The following PCDHGA5 variants were observed in gnomAD, a reference collection of about 807,000 sequenced individuals.
PCDHGA5 encodes protocadherin gamma-A5.
A neutral mutation model predicts 56.7 loss-of-function variants in PCDHGA5; 36 were observed. The ratio of observed to expected loss-of-function variants is 0.64; its 90% confidence interval spans 0.49 to 0.84. PCDHGA5 has a LOEUF of 0.84. Ranked by LOEUF, PCDHGA5 falls within the 40% of genes least tolerant of loss-of-function variation. PCDHGA5 has a pLI of 0.00. For synonymous variants in PCDHGA5, 563 were observed against 520.2 expected (o/e 1.08, Z -1.12); for missense variants, 1,305 against 1,201.5 (o/e 1.09, Z -1.27).
At chr5:141,417,027 GGT>G (rs1491367168) in intron 1 of PCDHGA5, 2 of 134,514 alleles carry the variant, frequency 1.5e-5, no homozygotes, top group Non-Finnish European at 3.1e-5. Flanking sequence ...GAAAAATACA[GGT>G]TTTTTTTTTA....
intron 1 of PCDHGA5, chr5:141,421,419 A>T (rs778839137): frequency 1.2e-6 from 2 of 1,614,072 alleles, no homozygotes; most frequent in Non-Finnish European, 1.7e-6. Context: ...CGAAGCGCGG[A>T]GTCCGCATCG....
intron 1 of PCDHGA5, among the ~76,000 whole-genome samples, chr5:141,464,417 A>C (rs2099083685): frequency 6.6e-6 from 1 of 151,564 alleles, no homozygotes; most frequent in African/African-American, 2.4e-5. Flanking sequence ...ATATATATCT[A>C]TATATATAGA....
chr5:141,419,461 C>T, intron 1 of PCDHGA5: 2 of 1,612,628 alleles, frequency 1.2e-6, no homozygotes, highest in Non-Finnish European at 1.7e-6. Flanking sequence ...CGCTGCAGGC[C>T]CGCGACCAGG....
chr5:141,476,016 G>A lies in PCDHGA5; in HGVS notation c.2422-18791G>A. 7.4e-7 allele frequency: 1 copy of A among 1,359,386 alleles called. No individual in the cohort carries two copies. 84.2% of individuals were successfully genotyped at this position (1,359,386 alleles called of 1,614,324 possible). A position where few individuals can be genotyped will look rare whatever the true frequency, so the allele number is the denominator to read the frequency against. On this transcript the variant is annotated intron_variant, in intron 1 of 3. Coordinates refer to ENST00000518069, the MANE Select transcript of PCDHGA5 (RefSeq NM_018918.3). This position sits in a 1 kb window ranked among gnomAD's most constrained non-coding sequence, Gnocchi z 7.6. ...TCAACGGCATCCAGAAAGCCATGTC[G>A]GACTCGGCGCCCAGCGCCCAAGCGC...
intron 2 of PCDHGA5, among the ~76,000 whole-genome samples, chr5:141,497,893 C>T (rs1194262199): frequency 6.6e-6 from 1 of 152,132 alleles, no homozygotes; most frequent in Non-Finnish European, 1.5e-5. Flanking sequence ...GGATCTAGTC[C>T]AGTAACTTCA....
chr5:141,370,241 T>C (rs1442707721), intron 1 of PCDHGA5: 3 of 626,086 alleles, frequency 4.8e-6, no homozygotes, highest in Non-Finnish European at 7.8e-6. Flanking sequence ...GGAAGAAAAG[T>C]GCACTCTCTA....
rs368371918 is a variant in PCDHGA5 at position 141,432,800 on chromosome 5, C to G, written c.2422-62007C>G. Reference sequence around the variant, plus strand: ...GGCGGACCTCGGCAGCCTCGAGTCTCCAGCTAACTCTGAAACCTCAGACCT... The same window carrying G: ...GGCGGACCTCGGCAGCCTCGAGTCTGCAGCTAACTCTGAAACCTCAGACCT... On this transcript the variant is annotated intron_variant, in intron 1 of 3. Coordinates refer to ENST00000518069, the MANE Select transcript of PCDHGA5 (RefSeq NM_018918.3). This position sits in a 1 kb window ranked among gnomAD's most constrained non-coding sequence, Gnocchi z 6.0. The G allele has an allele frequency of 9.9e-6, 16 of 1,614,038 alleles. No individual in the cohort carries two copies. Among genetic ancestry groups the G allele is most frequent in the Non-Finnish European group, 1.3e-5 (15 of 1,180,016 alleles).
chr5:141,489,641 C>T lies in PCDHGA5; in HGVS notation c.2422-5166C>T, dbSNP rs1356716387. On this transcript the variant is annotated intron_variant, in intron 1 of 3. Coordinates refer to ENST00000518069, the MANE Select transcript of PCDHGA5 (RefSeq NM_018918.3). This position sits in a 1 kb window ranked among gnomAD's most constrained non-coding sequence, Gnocchi z 4.5. The stretch of plus-strand genomic sequence containing the variant: ...CTCAATGACAACTCTCCTAGCTTTG[C>T]CACCCCTGAGCGAGAGATGCGCATC... The T allele has an allele frequency of 2.5e-6, 4 of 1,614,008 alleles. No individual in the cohort carries two copies. The highest frequency in any genetic ancestry group is 3.4e-6 in the Non-Finnish European group (4 of 1,180,012).
At chr5:141,404,391 A>C (rs773558298) in intron 1 of PCDHGA5, 1 of 1,613,924 alleles carries the variant, frequency 6.2e-7, no homozygotes, top group South Asian at 1.1e-5. Context: ...TATGACCCTG[A>C]TAGCAATGAG....
At chr5:141,507,831 T>C (rs2099864030) in intron 3 of PCDHGA5, among the ~76,000 whole-genome samples, 1 of 152,134 alleles carries the variant, frequency 6.6e-6, no homozygotes, top group African/African-American at 2.4e-5. Context: ...GTGGAGGTGG[T>C]GGGTCAGGCC....
chr5:141,417,771 C>G, intron 1 of PCDHGA5: 1 of 1,456,488 alleles, frequency 6.9e-7, no homozygotes, highest in Non-Finnish European at 9.1e-7. Flanking sequence ...CGGGACTCCT[C>G]CTGTCCTGGG....
chr5:141,433,313 C>T (rs2097582516), intron 1 of PCDHGA5: 5 of 866,388 alleles, frequency 5.8e-6, no homozygotes, highest in Admixed American at 2.8e-5. Context: ...CCCACCTTTG[C>T]CTCCGGTGTA....
At position 141,454,320 on chromosome 5, in the gene PCDHGA5, C is replaced by T. The variant is rs140074578; in HGVS notation, c.2422-40487C>T. ...CAGATATTTCAAAGCATTGAAACCTCCAAGAATAAATAAAATGTTGGAAGT... is the reference window on the plus strand; with the variant it reads ...CAGATATTTCAAAGCATTGAAACCTTCAAGAATAAATAAAATGTTGGAAGT... On this transcript the variant is annotated intron_variant, in intron 1 of 3. Coordinates refer to ENST00000518069, the MANE Select transcript of PCDHGA5 (RefSeq NM_018918.3). Among the ~76,000 whole-genome samples, 592 of 152,266 alleles carry T rather than the reference C, an allele frequency of 3.9e-3. 6 individuals are homozygous for T. Among genetic ancestry groups the T allele is most frequent in the Admixed American group, 0.011 (171 of 15,288 alleles).
At chr5:141,394,198 T>C in intron 1 of PCDHGA5, 1 of 1,613,874 alleles carries the variant, frequency 6.2e-7, no homozygotes, top group East Asian at 2.2e-5. Context: ...GCGTATATCC[T>C]AGAGAACAAC....
chr5:141,473,848 A>T (rs1281010822), intron 1 of PCDHGA5, among the ~76,000 whole-genome samples: 1 of 152,198 alleles, frequency 6.6e-6, no homozygotes, highest in Non-Finnish European at 1.5e-5. Flanking sequence ...TTTTAGGAAG[A>T]TGAACCTCGC....
intron 1 of PCDHGA5, chr5:141,410,517 C>T: frequency 6.2e-7 from 1 of 1,613,926 alleles, no homozygotes; most frequent in Non-Finnish European, 8.5e-7. Flanking sequence ...TGCAGTGTGC[C>T]CCTACATTCC....
chr5:141,393,300 G>T (rs1357517904), intron 1 of PCDHGA5: 2 of 1,613,882 alleles, frequency 1.2e-6, no homozygotes, highest in Non-Finnish European at 1.7e-6. Context: ...CCCGGATGTG[G>T]GCGTGAACTC....
At chr5:141,375,176 GT>G (rs1486897870) in intron 1 of PCDHGA5, 1 of 1,614,018 alleles carries the variant, frequency 6.2e-7, no homozygotes, top group South Asian at 1.1e-5. Flanking sequence ...TCCAGGAACA[GT>G]AATCGCCCTT....
intron 1 of PCDHGA5, chr5:141,394,424 C>G (rs781695042): frequency 6.2e-7 from 1 of 1,614,222 alleles, no homozygotes; most frequent in East Asian, 2.2e-5. Flanking sequence ...CCAGCGACAG[C>G]GGGGACCCGC....
Sources: allele counts gnomAD v4.1 joint callset (sites outside exome capture counted in the v4.1 genomes callset), GRCh38; gene constraint gnomAD v4.1.1; non-coding constraint Gnocchi (gnomAD v3.1); transcripts MANE v1.5; gene names NCBI Gene and HGNC (gene_info 2026-07-23, HGNC 2026-07-21).